Variants in SETD7 observed in about 807,000 individuals in gnomAD.
SETD7 encodes SET domain containing 7, histone lysine methyltransferase.
A neutral mutation model predicts 41.8 loss-of-function variants in SETD7; 16 were observed. The ratio of observed to expected loss-of-function variants is 0.38; its 90% CI spans 0.26 to 0.58. The LOEUF (loss-of-function observed/expected upper bound fraction) is 0.58, where lower values mean the gene tolerates loss of function less well. Ranked by LOEUF, SETD7 falls within the 20% of genes least tolerant of loss-of-function variation. SETD7 has a pLI of 0.64. For missense variants in SETD7, 346 were observed against 459.7 expected (o/e 0.75, Z 2.26); for synonymous variants, 163 against 169.7 (o/e 0.96, Z 0.31).
chr4:139,553,469 C>G (rs997138675), intron 1 of SETD7, among the ~76,000 whole-genome samples: 5 of 152,128 alleles, frequency 3.3e-5, no homozygotes, highest in African/African-American at 1.2e-4. Context: ...TCAAGTGTTT[C>G]ATAAATTTGA....
At chr4:139,550,314 T>G (rs1728074379) in intron 1 of SETD7, among the ~76,000 whole-genome samples, 1 of 152,202 alleles carries the variant, frequency 6.6e-6, no homozygotes, top group Non-Finnish European at 1.5e-5. Context: ...CTTGGACATG[T>G]GACCACTCCC....
chr4:139,528,614 A>C (rs1727395324), intron 4 of SETD7, among the ~76,000 whole-genome samples: 1 of 152,208 alleles, frequency 6.6e-6, no homozygotes, highest in Admixed American at 6.5e-5. Context: ...AAGTGAGTAA[A>C]GTGCCACCAT....
intron 4 of SETD7, among the ~76,000 whole-genome samples, chr4:139,523,845 A>T (rs932281655): frequency 6.6e-6 from 1 of 152,358 alleles, no homozygotes; most frequent in African/African-American, 2.4e-5. Flanking sequence ...GAACACTGGC[A>T]GTTGTCTCCT....
In SETD7 at chr4:139,546,739, G is replaced by A. The variant is rs557110532; in HGVS notation, c.170+181C>T. 1.2e-5 allele frequency: 9 copies of A among 742,094 alleles called. 1 individual carries two copies. In the South Asian group the frequency reaches 1.5e-4, roughly 12 times the overall value. 46.0% of individuals were successfully genotyped at this position (742,094 alleles called of 1,614,324 possible). On this transcript the variant is annotated intron_variant, in intron 2 of 7. Transcript: ENST00000274031. ...ATGACAAGAGCTAAGCCTTAGGCTGGCTGTCCCATAACCACAGGGTGACTT... is the reference window on the plus strand; with the variant it reads ...ATGACAAGAGCTAAGCCTTAGGCTGACTGTCCCATAACCACAGGGTGACTT...
chr4:139,542,962 C>G (rs193182659), intron 2 of SETD7, among the ~76,000 whole-genome samples: 249 of 152,244 alleles, frequency 1.6e-3, no homozygotes, highest in African/African-American at 5.8e-3. Flanking sequence ...ATATTTAGGC[C>G]AAGTCTTCCA....
intron 5 of SETD7, 64 bp downstream of exon 5, chr4:139,523,290 C>G (rs1727231359): frequency 5.6e-6 from 7 of 1,246,552 alleles, no homozygotes; most frequent in Non-Finnish European, 8.2e-6. Flanking sequence ...TGCATAAGTT[C>G]CTACCACTAG....
chr4:139,543,961 C>CACAA (rs1727855901), intron 2 of SETD7, among the ~76,000 whole-genome samples: 3 of 104,800 alleles, frequency 2.9e-5, no homozygotes, highest in Admixed American at 8.7e-5. Flanking sequence ...AAGACTCCAT[C>CACAA]TCAAACAAAC....
intron 7 of SETD7, among the ~76,000 whole-genome samples, chr4:139,514,683 C>T (rs1726975742): frequency 6.6e-6 from 1 of 152,180 alleles, no homozygotes; most frequent in South Asian, 2.1e-4. Context: ...AGCACAGCAC[C>T]AGCCCGTAGT....
chr4:139,538,614 C>T (rs559288915), intron 2 of SETD7, among the ~76,000 whole-genome samples: 2 of 152,306 alleles, frequency 1.3e-5, no homozygotes, highest in East Asian at 3.9e-4. Flanking sequence ...TGAGCCACCG[C>T]TCCTGGCCAC....
At chr4:139,524,919 C>T (rs923243439) in intron 4 of SETD7, among the ~76,000 whole-genome samples, 4 of 152,036 alleles carry the variant, frequency 2.6e-5, no homozygotes, top group Non-Finnish European at 5.9e-5. Flanking sequence ...CGGGTTCAAG[C>T]GATTCTCCTG....
chr4:139,507,735 GACA>G lies in SETD7; in HGVS notation c.*3925_*3927del, dbSNP rs1197787596. Reference sequence around the variant, plus strand: ...TAGTATTTTTAAAATTAAAAAAAGTGACAACGAGTTTCCAAATTCCTGAAGGGA... The same window carrying G: ...TAGTATTTTTAAAATTAAAAAAAGTGACGAGTTTCCAAATTCCTGAAGGGA... On this transcript the variant is annotated 3_prime_UTR_variant, in exon 8 of 8. Coordinates refer to ENST00000274031, the MANE Select transcript of SETD7 (RefSeq NM_030648.4). 1 of 152,566 alleles carries G rather than the reference GACA, an allele frequency of 6.6e-6. No individual in the cohort carries two copies. The highest frequency in any genetic ancestry group is 2.4e-5 in the African/African-American group (1 of 41,426). 9.5% of individuals were successfully genotyped at this position (152,566 alleles called of 1,614,324 possible). A position where few individuals can be genotyped will look rare whatever the true frequency, so the allele number is the denominator to read the frequency against.
At chr4:139,535,741 A>T (rs1015957550) in intron 2 of SETD7, among the ~76,000 whole-genome samples, 1 of 152,246 alleles carries the variant, frequency 6.6e-6, no homozygotes, top group Non-Finnish European at 1.5e-5. Flanking sequence ...AGCAAATCTT[A>T]CTGCGTTATT....
chr4:139,537,125 G>A (rs1262547508), intron 2 of SETD7, among the ~76,000 whole-genome samples: 8 of 152,060 alleles, frequency 5.3e-5, no homozygotes, highest in African/African-American at 1.4e-4. Flanking sequence ...ACAGGCACGC[G>A]CCAACACGCC....
At chr4:139,504,470 T>C (rs181395448), downstream of SETD7, among the ~76,000 whole-genome samples, 24 of 152,322 alleles carry the variant, frequency 1.6e-4, 1 homozygote, top group East Asian at 3.7e-3. Context: ...TTTTCCTTTT[T>C]TTTTCAGCTT....
chr4:139,512,914 T>C (rs1224606932), intron 7 of SETD7, among the ~76,000 whole-genome samples: 1 of 151,676 alleles, frequency 6.6e-6, no homozygotes, highest in East Asian at 2.0e-4. Context: ...TGTGCTACCA[T>C]GGCCAGAAGA....
intron 7 of SETD7, among the ~76,000 whole-genome samples, chr4:139,497,676 G>A (rs1458278178): frequency 6.6e-6 from 1 of 150,486 alleles, no homozygotes; most frequent in Non-Finnish European, 1.5e-5. Context: ...TGCAACCTCC[G>A]CCTCCTGGGT....
chr4:139,556,219 TG>T (rs1425345910), upstream of SETD7: 109 of 1,455,804 alleles, frequency 7.5e-5, no homozygotes, highest in Non-Finnish European at 1.0e-4. Context: ...GAGCGAGCTC[TG>T]GGGCTCGCGA....
Position 139,534,527 on chromosome 4 carries a change from C to A in SETD7, c.171-1161G>T, listed in dbSNP as rs192191936. On this transcript the variant is annotated intron_variant, in intron 2 of 7. Coordinates refer to ENST00000274031, the MANE Select transcript of SETD7 (RefSeq NM_030648.4). The stretch of plus-strand genomic sequence containing the variant: ...CCTCAGCCTCCCAAGTAGCTGGGAC[C>A]ACAGGTATGTGTCACCACACCGGGT... Among the ~76,000 whole-genome samples, 21 of 152,084 alleles carry A rather than the reference C, an allele frequency of 1.4e-4. No individual in the cohort carries two copies. The East Asian group carries it at 3.3e-3, about 24-fold the overall frequency.
In SETD7 at chr4:139,496,471, G is replaced by A. The variant is rs142944742; in HGVS notation, c.971C>T (p.Pro324Leu). 354 of 702,404 alleles carry A rather than the reference G, an allele frequency of 5.0e-4. No homozygotes were observed. The African/African-American group carries it at 5.8e-3, about 11-fold the overall frequency. The allele number at this position is 702,404 out of a possible 1,614,324, so 43.5% of individuals were successfully genotyped here. ...ATCCAGATGTGGGATCTTTGGGAGT[G>A]GAGCCCCAAATCTGCTTCTTTTACA... Residue 324 changes from proline to leucine, a missense_variant, in exon 8 of 8, where the codon CCA becomes CTA. By Grantham distance (98) the Pro-to-Leu change is moderately conservative (BLOSUM62 -3). Transcript: ENST00000506866.
Sources: gnomAD v4.1 joint callset for allele counts (sites outside exome capture counted in the v4.1 genomes callset) on GRCh38, gnomAD v4.1.1 for gene constraint, MANE v1.5 for transcripts, NCBI Gene and HGNC (gene_info 2026-07-23, HGNC 2026-07-21) for gene names.